AAK1: variants seen among roughly 807,000 people sequenced by gnomAD.
The protein encoded by AAK1 is AP2 associated kinase 1.
AAK1 carries 37 observed loss-of-function variants against 116.0 expected under a neutral mutation model. The observed-to-expected ratio is 0.32, with a 90% CI of 0.25 to 0.42. The LOEUF (loss-of-function observed/expected upper bound fraction) is 0.42, where lower values mean the gene tolerates loss of function less well. Among genes scored for constraint, AAK1 ranks in the 10% least tolerant of loss-of-function variants. The pLI is 1.00. For synonymous variants in AAK1, 458 were observed against 439.9 expected, an observed-to-expected ratio of 1.04 and a Z score of -0.51; for missense variants, 919 against 1,170.6, an observed-to-expected ratio of 0.79 and a Z score of 3.14.
chr2:69,587,382 TACAC>T (rs35841972), intron 2 of AAK1, among the ~76,000 whole-genome samples: 9 of 150,232 alleles, frequency 6.0e-5, no homozygotes, highest in Admixed American at 3.3e-4. Flanking sequence ...CACACATATA[TACAC>T]ACACGTGTGT....
chr2:69,617,640 A>G (rs1461845239), intron 2 of AAK1, among the ~76,000 whole-genome samples: 2 of 152,230 alleles, frequency 1.3e-5, no homozygotes, highest in Non-Finnish European at 2.9e-5. Flanking sequence ...AGCAAATCCT[A>G]AAGAGGTATG....
At chr2:69,594,408 T>C (rs1673170910) in intron 2 of AAK1, among the ~76,000 whole-genome samples, 1 of 152,228 alleles carries the variant, frequency 6.6e-6, no homozygotes. Flanking sequence ...ACAGTCATGT[T>C]ATCGTGAGGA....
intron 11 of AAK1, among the ~76,000 whole-genome samples, chr2:69,519,559 T>A (rs1241622419): frequency 2.6e-5 from 4 of 152,218 alleles, no homozygotes; most frequent in Non-Finnish European, 5.9e-5. Flanking sequence ...TGGCCTTTGG[T>A]ACATATGCAC....
rs148394515 is a variant in AAK1, at chr2:69,537,984, T to C, written c.534+4539A>G. On this transcript the variant is annotated intron_variant, in intron 5 of 21. Transcript: ENST00000409085. Reference sequence around the variant, plus strand: ...CAAATTGGCAGCATGCCTGATGATCTTCAATATTGATGAAAACACAACCAC... The same window carrying C: ...CAAATTGGCAGCATGCCTGATGATCCTCAATATTGATGAAAACACAACCAC... Among the ~76,000 whole-genome samples, 415 of 152,322 alleles carry C rather than the reference T, an allele frequency of 2.7e-3. 1 individual carries two copies. Among genetic ancestry groups the C allele is most frequent in the Admixed American group, 3.8e-3 (58 of 15,298 alleles).
At position 69,504,908 on chromosome 2, in the gene AAK1, G is replaced by A. The variant is rs553565745; in HGVS notation, c.2269+661C>T. Among the ~76,000 whole-genome samples the A allele has an allele frequency of 4.6e-4, 70 of 152,216 alleles. No individual in the cohort carries two copies. The South Asian group carries it at 8.1e-3, about 18-fold the overall frequency. On this transcript the variant is annotated intron_variant, in intron 16 of 21. Coordinates refer to ENST00000409085, the MANE Select transcript of AAK1 (RefSeq NM_014911.5). ...AGTATCCCTAGACTATCTCTTGGTC[G>A]TGAGGTCATGGAGAATTTTAACTTT... is the stretch of plus-strand genomic sequence containing the variant.
chr2:69,574,377 CAAAAAAAA>C (rs58486434), intron 2 of AAK1, among the ~76,000 whole-genome samples: 6 of 74,896 alleles, frequency 8.0e-5, no homozygotes, highest in African/African-American at 1.5e-4. Flanking sequence ...GACTCCCTCT[CAAAAAAAA>C]AAAAAAAAAA....
intron 2 of AAK1, chr2:69,594,751 A>G (rs1673187108): frequency 9.8e-6 from 8 of 820,224 alleles, no homozygotes; most frequent in Non-Finnish European, 1.5e-5. Context: ...TTAGAACTGG[A>G]TCACTTAGCC....
intron 8 of AAK1, among the ~76,000 whole-genome samples, chr2:69,527,655 G>A (rs964566225): frequency 6.6e-6 from 1 of 151,982 alleles, no homozygotes; most frequent in African/African-American, 2.4e-5. Context: ...TCTTACCATG[G>A]GCTTCCTTGG....
intron 2 of AAK1, chr2:69,598,400 C>A: frequency 3.3e-6 from 1 of 305,764 alleles, no homozygotes; most frequent in Non-Finnish European, 6.4e-6. Context: ...TGCCAAGGAT[C>A]TATAAATGAT....
rs1462166816 is a variant in AAK1, at chr2:69,466,924, T to C, written c.*8945A>G. The C allele has an allele frequency of 6.1e-6, 6 of 985,318 alleles. No individual in the cohort carries two copies. In the African/African-American group the frequency reaches 8.7e-5, roughly 14 times the overall value. The allele number at this position is 985,318 out of a possible 1,614,324, so 61.0% of individuals were successfully genotyped here. A position where few individuals can be genotyped will look rare whatever the true frequency, so the allele number is the denominator to read the frequency against. On this transcript the variant is annotated 3_prime_UTR_variant, in exon 22 of 22. Coordinates refer to ENST00000409085, the MANE Select transcript of AAK1 (RefSeq NM_014911.5). ...CAGTCATTCATCTCCACATATACCA[T>C]GACAGTTTTGGATTATGTAGAAACA...
chr2:69,484,089 C>T (rs923364166), intron 17 of AAK1, among the ~76,000 whole-genome samples: 9 of 152,130 alleles, frequency 5.9e-5, no homozygotes, highest in East Asian at 1.9e-4. Context: ...ATGTCAACAA[C>T]GTTCTTTTAA....
intron 10 of AAK1, among the ~76,000 whole-genome samples, chr2:69,522,737 G>C (rs1669842772): frequency 6.6e-6 from 1 of 151,780 alleles, no homozygotes; most frequent in Non-Finnish European, 1.5e-5. Flanking sequence ...CCGGGAGGCA[G>C]AGGTTGCAGT....
chr2:69,606,241 G>A (rs1673791106), intron 2 of AAK1, among the ~76,000 whole-genome samples: 2 of 152,258 alleles, frequency 1.3e-5, no homozygotes, highest in South Asian at 2.1e-4. Flanking sequence ...TCAAGTCACA[G>A]GATTATTGGG....
At chr2:69,521,133 A>T (rs1669759803) in intron 10 of AAK1, 145 bp from the exon 11 acceptor site, 1 of 909,658 alleles carries the variant, frequency 1.1e-6, no homozygotes. Context: ...CTCCCACAGG[A>T]TGCCATTGTT....
At chr2:69,634,073 G>A (rs1675341056) in intron 2 of AAK1, among the ~76,000 whole-genome samples, 1 of 152,192 alleles carries the variant, frequency 6.6e-6, no homozygotes, top group Admixed American at 6.5e-5. Context: ...GAGAGGCTGA[G>A]GCAGGAGAAT....
intron 12 of AAK1, among the ~76,000 whole-genome samples, chr2:69,515,317 C>T (rs1185792832): frequency 6.6e-6 from 1 of 152,054 alleles, no homozygotes; most frequent in Non-Finnish European, 1.5e-5. Flanking sequence ...TGCTCTATGA[C>T]GCTTCCTTTT....
chr2:69,578,299 C>T (rs1186549178), intron 2 of AAK1, among the ~76,000 whole-genome samples: 1 of 152,156 alleles, frequency 6.6e-6, no homozygotes. Context: ...GTAAGAGATG[C>T]TGACTGTGGT....
chr2:69,571,165 T>C (rs531777773), intron 2 of AAK1, among the ~76,000 whole-genome samples: 93 of 152,296 alleles, frequency 6.1e-4, no homozygotes, highest in Non-Finnish European at 1.0e-3. Context: ...CTTCACCCTA[T>C]GCTAAAATAA....
chr2:69,601,272 A>T (rs1361291342), intron 2 of AAK1, among the ~76,000 whole-genome samples: 1 of 152,220 alleles, frequency 6.6e-6, no homozygotes, highest in African/African-American at 2.4e-5. Flanking sequence ...ACATACTAAA[A>T]ACTACTTGTG....
Sources: gnomAD v4.1 joint callset for allele counts (sites outside exome capture counted in the v4.1 genomes callset) on GRCh38, gnomAD v4.1.1 for gene constraint, MANE v1.5 for transcripts, NCBI Gene and HGNC (gene_info 2026-07-23, HGNC 2026-07-21) for gene names.